Variants in GNAL observed in about 807,000 individuals in gnomAD.
GNAL encodes the protein guanine nucleotide-binding protein G(olf) subunit alpha.
A neutral mutation model predicts 55.1 loss-of-function variants in GNAL; 18 were observed. That is an observed-to-expected ratio of 0.33 (90% CI 0.23 to 0.48). GNAL has a LOEUF of 0.48. Among genes scored for constraint, GNAL ranks in the 20% least tolerant of loss-of-function variants. The probability of loss-of-function intolerance (pLI) is 0.99; values close to 1 mark genes in which losing one functional copy is unlikely to be tolerated. For missense variants in GNAL, 412 were observed against 614.1 expected (o/e 0.67, Z 3.48); for synonymous variants, 253 against 237.0 (o/e 1.07, Z -0.62).
chr18:11,793,827 G>T (rs2034302752), intron 4 of GNAL, among the ~76,000 whole-genome samples: 1 of 151,402 alleles, frequency 6.6e-6, no homozygotes, highest in Non-Finnish European at 1.5e-5. Context: ...GGAGGCTGAG[G>T]CTGGAGCGGG....
At chr18:11,713,052 A>G (rs527470085) in intron 1 of GNAL, among the ~76,000 whole-genome samples, 2 of 152,380 alleles carry the variant, frequency 1.3e-5, no homozygotes, top group East Asian at 3.9e-4. Flanking sequence ...AAATGCTGAT[A>G]TGTTTAATTC....
chr18:11,752,272 G>C lies in GNAL; in HGVS notation c.377-581G>C. 1 of 1,391,072 alleles carries C rather than the reference G, an allele frequency of 7.2e-7. No individual in the cohort carries two copies. The highest frequency in any genetic ancestry group is 9.3e-7 in the Non-Finnish European group (1 of 1,072,270). 86.2% of individuals were successfully genotyped at this position (1,391,072 alleles called of 1,614,324 possible). Reference sequence around the variant, plus strand: ...AGTTTGCGGTGGGCAGGGGGAGGGAGAAGAAACGCCTGCTCTGAATCGGAA... The same window carrying C: ...AGTTTGCGGTGGGCAGGGGGAGGGACAAGAAACGCCTGCTCTGAATCGGAA... On this transcript the variant is annotated intron_variant, in intron 1 of 11. Transcript: ENST00000334049. This position sits in a 1 kb window ranked among gnomAD's most constrained non-coding sequence, Gnocchi z 4.5.
chr18:11,749,125 CAAAAAAAAAAA>C (rs368135476), intron 1 of GNAL, among the ~76,000 whole-genome samples: 1 of 86,548 alleles, frequency 1.2e-5, no homozygotes, highest in Non-Finnish European at 2.6e-5. Context: ...GACTCCATCT[CAAAAAAAAAAA>C]AAAAAAAAAA....
At chr18:11,771,701 G>C (rs537495463) in intron 4 of GNAL, among the ~76,000 whole-genome samples, 2 of 152,110 alleles carry the variant, frequency 1.3e-5, no homozygotes, top group African/African-American at 4.8e-5. Flanking sequence ...GCACAGCCCT[G>C]TGTGCAAATT....
chr18:11,718,064 A>G (rs1038968451), intron 1 of GNAL, among the ~76,000 whole-genome samples: 1 of 152,208 alleles, frequency 6.6e-6, no homozygotes, highest in Non-Finnish European at 1.5e-5. Context: ...ATTTACTACT[A>G]AGAAATACAA....
At chr18:11,824,132 G>T (rs969851760) in intron 4 of GNAL, among the ~76,000 whole-genome samples, 1 of 151,860 alleles carries the variant, frequency 6.6e-6, no homozygotes, top group Non-Finnish European at 1.5e-5. Context: ...TACCTAATAT[G>T]TCTGGGCCAA....
At chr18:11,814,666 G>A (rs2143590831) in intron 4 of GNAL, among the ~76,000 whole-genome samples, 1 of 152,338 alleles carries the variant, frequency 6.6e-6, no homozygotes, top group South Asian at 2.1e-4. Flanking sequence ...GAAGGCCAAA[G>A]CAGGTGGATC....
chr18:11,703,188 G>A (rs1249362654), intron 1 of GNAL, among the ~76,000 whole-genome samples: 1 of 152,240 alleles, frequency 6.6e-6, no homozygotes, highest in East Asian at 1.9e-4. Context: ...CGACAAGTTT[G>A]AGAAACCCCT....
chr18:11,754,659 A>G (rs999234524), intron 4 of GNAL, among the ~76,000 whole-genome samples: 2 of 152,238 alleles, frequency 1.3e-5, no homozygotes, highest in African/African-American at 2.4e-5. Flanking sequence ...AAAGAGCAGA[A>G]TTCAGTTTAC....
At chr18:11,706,471 A>T (rs946134234) in intron 1 of GNAL, among the ~76,000 whole-genome samples, 6 of 152,194 alleles carry the variant, frequency 3.9e-5, no homozygotes, top group Non-Finnish European at 8.8e-5. Context: ...GTTGCTGAAG[A>T]CAGTTTCTTA....
intron 1 of GNAL, among the ~76,000 whole-genome samples, chr18:11,748,953 C>T (rs974552108): frequency 1.1e-4 from 17 of 151,794 alleles, no homozygotes; most frequent in African/African-American, 3.6e-4. Flanking sequence ...GGTGAAACCC[C>T]GTCTCTACTA....
chr18:11,841,917 G>A (rs1488734868), intron 5 of GNAL, among the ~76,000 whole-genome samples: 3 of 152,000 alleles, frequency 2.0e-5, no homozygotes, highest in Admixed American at 2.0e-4. Flanking sequence ...TGAACTGGAA[G>A]ATTGTAGCCC....
intron 4 of GNAL, among the ~76,000 whole-genome samples, chr18:11,817,542 C>T (rs2034987365): frequency 6.6e-6 from 1 of 152,154 alleles, no homozygotes; most frequent in Admixed American, 6.5e-5. Flanking sequence ...AGGAAAGATG[C>T]TTTCCCCTCA....
At chr18:11,809,273 G>A (rs1049442404) in intron 4 of GNAL, among the ~76,000 whole-genome samples, 1 of 151,056 alleles carries the variant, frequency 6.6e-6, no homozygotes, top group Non-Finnish European at 1.5e-5. Context: ...AAAAAAGGAA[G>A]AAAGCAGGAG....
Position 11,885,109 on chromosome 18 carries a change from A to C in GNAL, c.*3974A>C. The C allele has an allele frequency of 8.7e-7, 1 of 1,153,258 alleles. No homozygotes were observed. The highest frequency in any genetic ancestry group is 1.1e-6 in the Non-Finnish European group (1 of 891,110). The allele number at this position is 1,153,258 out of a possible 1,614,324, so 71.4% of individuals were successfully genotyped here. A position where few individuals can be genotyped will look rare whatever the true frequency, so the allele number is the denominator to read the frequency against. Reference sequence around the variant, plus strand: ...TTTGCAGATACTTTTATGTGGAACAACAGTGGCAAATGTTTTCATTTACTT... The same window carrying C: ...TTTGCAGATACTTTTATGTGGAACACCAGTGGCAAATGTTTTCATTTACTT... On this transcript the variant is annotated 3_prime_UTR_variant, in exon 12 of 12. Transcript: ENST00000334049.
intron 5 of GNAL, among the ~76,000 whole-genome samples, chr18:11,838,978 CAT>C (rs973765869): frequency 1.8e-4 from 28 of 152,262 alleles, no homozygotes; most frequent in African/African-American, 6.7e-4. Flanking sequence ...GACACAGTAA[CAT>C]ATAAATATGA....
chr18:11,849,047 T>C (rs1172106373), intron 5 of GNAL, among the ~76,000 whole-genome samples: 1 of 152,236 alleles, frequency 6.6e-6, no homozygotes, highest in Non-Finnish European at 1.5e-5. Context: ...ATCTACTTCA[T>C]AGGGTTTGCG....
At chr18:11,778,778 A>G (rs1427576745) in intron 4 of GNAL, among the ~76,000 whole-genome samples, 1 of 151,954 alleles carries the variant, frequency 6.6e-6, no homozygotes, top group Non-Finnish European at 1.5e-5. Context: ...GAAGAATTTT[A>G]TAGATAGTAA....
intron 1 of GNAL, among the ~76,000 whole-genome samples, chr18:11,733,242 C>T (rs757667493): frequency 1.1e-4 from 16 of 152,240 alleles, no homozygotes; most frequent in African/African-American, 3.4e-4. Context: ...AGGTGTGGGC[C>T]TCTCGTGCTG....
Sources: gnomAD v4.1 joint callset for allele counts (sites outside exome capture counted in the v4.1 genomes callset) on GRCh38, gnomAD v4.1.1 for gene constraint, Gnocchi (gnomAD v3.1) non-coding constraint, MANE v1.5 for transcripts, NCBI Gene and HGNC (gene_info 2026-07-23, HGNC 2026-07-21) for gene names.